The following HLA-DRB1 variants were observed in gnomAD, a reference collection of about 807,000 sequenced individuals.
HLA-DRB1 encodes the protein major histocompatibility complex, class II, DR beta 1 precursor.
In HLA-DRB1, 10 loss-of-function variants were observed where a neutral mutation model predicts 27.9. The observed-to-expected ratio is 0.36, with a 90% CI of 0.22 to 0.61. HLA-DRB1 has a LOEUF of 0.61. Among genes scored for constraint, HLA-DRB1 ranks in the 20% least tolerant of loss-of-function variants. The pLI is 0.73. For missense variants in HLA-DRB1, 118 were observed against 306.3 expected (o/e 0.39, Z 4.59); for synonymous variants, 57 against 126.7 (o/e 0.45, Z 3.69).
chr6:32,579,061 A>G (rs1064694), exon 6 of HLA-DRB1: 266,238 of 564,128 alleles, frequency 0.47, 111,019 homozygotes, highest in Admixed American at 0.61. Context: ...CGGGGCAGAA[A>G]GTTCTTCCTT....
exon 3 of HLA-DRB1, chr6:32,581,765 C>A (rs879337960): frequency 2.6e-6 from 4 of 1,555,088 alleles, no homozygotes; most frequent in African/African-American, 3.0e-5. Flanking sequence ...AGAAACCACT[C>A]ACAGAGCAGA....
chr6:32,589,432 T>TCC (rs1777028968), intron 1 of HLA-DRB1, among the ~76,000 whole-genome samples: 17 of 71,364 alleles, frequency 2.4e-4, no homozygotes, highest in Admixed American at 6.8e-4. Flanking sequence ...AAGAAATGAT[T>TCC]TGTGCAAAGG....
chr6:32,583,083 T>C (rs9269876), intron 2 of HLA-DRB1, among the ~76,000 whole-genome samples: 52,599 of 85,110 alleles, frequency 0.62, 18,584 homozygotes, highest in Middle Eastern at 0.79. Context: ...AATAATCTTA[T>C]AGTACAAAGA....
chr6:32,586,752 AC>A lies in HLA-DRB1; in HGVS notation c.101-2375del, dbSNP rs368557078. Among the ~76,000 whole-genome samples the A allele has an allele frequency of 3.1e-3, 240 of 78,258 alleles. No homozygotes were observed. The East Asian group carries it at 0.038, about 12-fold the overall frequency. 51.3% of individuals were successfully genotyped at this position (78,258 alleles called of 152,430 possible). A position where few individuals can be genotyped will look rare whatever the true frequency, so the allele number is the denominator to read the frequency against. ...ATCAATCATCTCATATTTAAACAAA[AC>A]TTTTATTTCAAACCACCCACTTCAA... On this transcript the variant is annotated intron_variant, in intron 1 of 5. Coordinates refer to ENST00000360004, the Ensembl canonical transcript of HLA-DRB1.
At chr6:32,583,039 G>A (rs72850273) in intron 2 of HLA-DRB1, among the ~76,000 whole-genome samples, 15,141 of 135,826 alleles carry the variant, frequency 0.11, 1,617 homozygotes, top group Non-Finnish European at 0.12. Flanking sequence ...CCACAAACTG[G>A]AGCAAATGCT....
At position 32,582,471 on chromosome 6, in the gene HLA-DRB1, C is replaced by T. The variant is rs1325432005; in HGVS notation, c.371-633G>A. ...AAAGCAATATGCATAGATAAAGGGA[C>T]AGAGTTGGGTACATGAGGAAACCAA... On this transcript the variant is annotated intron_variant, in intron 2 of 5. Transcript: ENST00000360004. 2.9e-4 allele frequency among the ~76,000 whole-genome samples: 29 copies of T among 101,206 alleles called. 3 individuals carry two copies. Among genetic ancestry groups the T allele is most frequent in the African/African-American group, 1.2e-3 (28 of 23,120 alleles). 66.4% of individuals were successfully genotyped at this position (101,206 alleles called of 152,430 possible).
intron 1 of HLA-DRB1, among the ~76,000 whole-genome samples, chr6:32,586,639 C>A (rs9270091): frequency 0.5 from 22,313 of 44,786 alleles, 8,805 homozygotes; most frequent in Admixed American, 0.61. Context: ...ACACGTATTG[C>A]TGCTGCCAAC....
chr6:32,578,920 G>T (rs1064710), exon 6 of HLA-DRB1: 28 of 463,032 alleles, frequency 6.0e-5, no homozygotes, highest in African/African-American at 5.9e-4. Context: ...TCAGGCCAAG[G>T]GCAGGAGCTG....
chr6:32,585,541 C>A (rs9270029), intron 1 of HLA-DRB1, among the ~76,000 whole-genome samples: 98,551 of 134,598 alleles, frequency 0.73, 36,889 homozygotes, highest in Middle Eastern at 0.84. Context: ...TTTAACTTTT[C>A]TGATCCTATA....
rs199851985 is a variant in HLA-DRB1 at position 32,579,175 on chromosome 6, G to C, written c.788-71C>G. 4 of 530,956 alleles carry C rather than the reference G, an allele frequency of 7.5e-6. 1 individual carries two copies. Among genetic ancestry groups the C allele is most frequent in the Non-Finnish European group, 1.1e-5 (4 of 357,656 alleles). 32.9% of individuals were successfully genotyped at this position (530,956 alleles called of 1,614,324 possible). A position where few individuals can be genotyped will look rare whatever the true frequency, so the allele number is the denominator to read the frequency against. ...ACAGTTTCTTTTCCCCTCTTTCAAGGGCTCAGATGAGAGCACTGCAGGAAG... is the reference window on the plus strand; with the variant it reads ...ACAGTTTCTTTTCCCCTCTTTCAAGCGCTCAGATGAGAGCACTGCAGGAAG... On this transcript the variant is annotated intron_variant, in intron 5 of 5. Transcript: ENST00000360004.
At chr6:32,585,726 C>T (rs199754940) in intron 1 of HLA-DRB1, among the ~76,000 whole-genome samples, 33,104 of 97,468 alleles carry the variant, frequency 0.34, 6,470 homozygotes, top group Middle Eastern at 0.51. Flanking sequence ...AAACCTCACA[C>T]AAAAAGCATC....
intron 1 of HLA-DRB1, among the ~76,000 whole-genome samples, chr6:32,587,890 C>T (rs28724161): frequency 0.17 from 21,734 of 129,002 alleles, 21 homozygotes; most frequent in Admixed American, 0.23. Flanking sequence ...TGATTTGAAC[C>T]TAGAATGGAG....
intron 1 of HLA-DRB1, among the ~76,000 whole-genome samples, chr6:32,585,615 T>C (rs1776286555): frequency 7.0e-6 from 1 of 142,866 alleles, no homozygotes; most frequent in South Asian, 2.3e-4. Context: ...TCATCATGAT[T>C]TTGCAATTGT....
intron 1 of HLA-DRB1, among the ~76,000 whole-genome samples, chr6:32,585,324 AAACT>A (rs2150790609): frequency 2.5e-5 from 2 of 81,218 alleles, no homozygotes; most frequent in East Asian, 4.2e-4. Flanking sequence ...AATGATGGTC[AAACT>A]CTCAAACTCT....
rs1351515489 is a variant in HLA-DRB1, at chr6:32,589,046, A to C, written c.100+597T>G. 7.9e-5 allele frequency among the ~76,000 whole-genome samples: 9 copies of C among 113,712 alleles called. 1 individual carries two copies. The highest frequency in any genetic ancestry group is 1.5e-4 in the Non-Finnish European group (8 of 53,088). The allele number at this position is 113,712 out of a possible 152,430, so 74.6% of individuals were successfully genotyped here. A position where few individuals can be genotyped will look rare whatever the true frequency, so the allele number is the denominator to read the frequency against. Reference sequence around the variant, plus strand: ...TCAGTTCCAGGGACTTTTCCCCACAAGAAAGGAAGAGCACTAAGTATAACT... The same window carrying C: ...TCAGTTCCAGGGACTTTTCCCCACACGAAAGGAAGAGCACTAAGTATAACT... On this transcript the variant is annotated intron_variant, in intron 1 of 5. Coordinates refer to ENST00000360004, the Ensembl canonical transcript of HLA-DRB1.
chr6:32,584,495 A>G (rs9269969), intron 1 of HLA-DRB1, 117 bp from the exon 2 acceptor site: 2 of 614,546 alleles, frequency 3.3e-6, no homozygotes, highest in Non-Finnish European at 5.4e-6. Context: ...AACCGGCCCC[A>G]CCCGCAACGC....
intron 1 of HLA-DRB1, among the ~76,000 whole-genome samples, chr6:32,585,572 T>A (rs34930552): frequency 0.24 from 32,042 of 135,352 alleles, 2,592 homozygotes; most frequent in East Asian, 0.28. Context: ...ATATTATTTT[T>A]TGTATTCCTT....
intron 5 of HLA-DRB1, 108 bp from the exon 6 acceptor site, chr6:32,579,212 G>C (rs142402365): frequency 0.013 from 3,726 of 288,796 alleles, 542 homozygotes; most frequent in South Asian, 0.056. Flanking sequence ...AGAAAAAGAA[G>C]TTCCTGAGTC....
intron 1 of HLA-DRB1, among the ~76,000 whole-genome samples, chr6:32,585,566 T>C (rs953475311): frequency 0.26 from 32,768 of 127,900 alleles, 3,062 homozygotes; most frequent in East Asian, 0.32. Flanking sequence ...CAGCTCATAT[T>C]ATTTTTTGTA....
Sources: allele counts gnomAD v4.1 joint callset (sites outside exome capture counted in the v4.1 genomes callset), GRCh38; gene constraint gnomAD v4.1.1; transcripts MANE v1.5; gene names NCBI Gene and HGNC (gene_info 2026-07-23, HGNC 2026-07-21).